Variants in PRKG1 observed in about 807,000 individuals in gnomAD.
PRKG1 encodes the protein protein kinase cGMP-dependent 1.
In PRKG1, 35 loss-of-function variants were observed where a neutral mutation model predicts 88.1. The ratio of observed to expected loss-of-function variants is 0.40; its 90% confidence interval spans 0.30 to 0.53. The LOEUF (loss-of-function observed/expected upper bound fraction) is 0.53. Among genes scored for constraint, PRKG1 ranks in the 20% least tolerant of loss-of-function variants. The pLI, the probability that PRKG1 is intolerant of heterozygous loss-of-function variation, is 0.59. For missense variants in PRKG1, 540 were observed against 839.8 expected (o/e 0.64, Z 4.41); for synonymous variants, 303 against 292.5 (o/e 1.04, Z -0.37).
intron 3 of PRKG1, among the ~76,000 whole-genome samples, chr10:51,547,359 T>C (rs929731268): frequency 9.0e-6 from 1 of 110,552 alleles, no homozygotes; most frequent in Admixed American, 1.0e-4. Flanking sequence ...CTTTGACTTG[T>C]GGGTTGAATC....
intron 3 of PRKG1, among the ~76,000 whole-genome samples, chr10:51,639,303 G>A (rs556114681): frequency 6.6e-6 from 1 of 151,578 alleles, no homozygotes; most frequent in African/African-American, 2.4e-5. Flanking sequence ...CTGAGGTGGC[G>A]GGCGCCTGTA....
intron 1 of PRKG1, among the ~76,000 whole-genome samples, chr10:51,089,179 G>T (rs1277628628): frequency 6.6e-6 from 1 of 152,102 alleles, no homozygotes; most frequent in Non-Finnish European, 1.5e-5. Context: ...AGGAAGCACA[G>T]TTGTTCTCCA....
intron 3 of PRKG1, among the ~76,000 whole-genome samples, chr10:51,776,413 A>G (rs1308443641): frequency 1.3e-5 from 2 of 152,192 alleles, no homozygotes; most frequent in Non-Finnish European, 2.9e-5. Flanking sequence ...GGTTAGTGAG[A>G]TAGTAATGGG....
intron 9 of PRKG1, among the ~76,000 whole-genome samples, chr10:52,173,487 T>C (rs1477736717): frequency 6.6e-6 from 1 of 152,174 alleles, no homozygotes; most frequent in Non-Finnish European, 1.5e-5. Context: ...AAATAATGGA[T>C]TTAAATGGTA....
intron 1 of PRKG1, among the ~76,000 whole-genome samples, chr10:51,039,960 G>A (rs1843398847): frequency 6.6e-6 from 1 of 152,066 alleles, no homozygotes; most frequent in African/African-American, 2.4e-5. Flanking sequence ...CAGTTATCAT[G>A]CTATTTTGGT....
At chr10:51,345,781 T>C (rs1264683716) in intron 2 of PRKG1, among the ~76,000 whole-genome samples, 2 of 152,192 alleles carry the variant, frequency 1.3e-5, no homozygotes, top group Non-Finnish European at 2.9e-5. Context: ...TCTTAAGATG[T>C]TAACAAGCCA....
Position 51,179,413 on chromosome 10 carries a change from T to C in PRKG1, c.478+26083T>C, listed in dbSNP as rs1057433454. Among the ~76,000 whole-genome samples, 10 of 152,370 alleles carry C rather than the reference T, an allele frequency of 6.6e-5. No homozygotes were observed. The East Asian group carries it at 1.3e-3, about 21-fold the overall frequency. On this transcript the variant is annotated intron_variant, in intron 2 of 17. Coordinates refer to ENST00000373980, the MANE Select transcript of PRKG1 (RefSeq NM_006258.4). ...AGAAGGTTATAGGATAATATGTTGA[T>C]AGGTCATAGCTAATTATCGGCTTTA...
At chr10:52,289,072 A>G (rs1842182502) in intron 16 of PRKG1, 79 bp downstream of exon 16, 12 of 1,367,148 alleles carry the variant, frequency 8.8e-6, no homozygotes, top group Non-Finnish European at 1.1e-5. Flanking sequence ...TTGGTGTAAA[A>G]CTAGTATAAT....
At chr10:52,288,019 G>C (rs1004461649) in intron 14 of PRKG1, among the ~76,000 whole-genome samples, 2 of 152,110 alleles carry the variant, frequency 1.3e-5, no homozygotes, top group African/African-American at 4.8e-5. Context: ...GCATAAGGGT[G>C]CTATAAAAGT....
intron 5 of PRKG1, among the ~76,000 whole-genome samples, chr10:51,913,126 G>T (rs1004148117): frequency 1.3e-5 from 2 of 152,050 alleles, no homozygotes; most frequent in African/African-American, 4.8e-5. Context: ...ACAGGGTTTT[G>T]CCATATTGGC....
chr10:52,115,897 T>C (rs892464806), intron 7 of PRKG1, among the ~76,000 whole-genome samples: 1 of 152,114 alleles, frequency 6.6e-6, no homozygotes, highest in African/African-American at 2.4e-5. Context: ...AGAAAAACTT[T>C]AGATGAACTA....
intron 1 of PRKG1, among the ~76,000 whole-genome samples, chr10:51,088,947 G>T (rs1444760845): frequency 1.3e-5 from 2 of 151,392 alleles, no homozygotes; most frequent in Admixed American, 1.3e-4. Context: ...TTCCAAGCAT[G>T]TTTGGTATTG....
At position 51,195,296 on chromosome 10, in the gene PRKG1, G is replaced by A. The variant is rs188042583; in HGVS notation, c.478+41966G>A. Among the ~76,000 whole-genome samples, 13 of 152,240 alleles carry A rather than the reference G, an allele frequency of 8.5e-5. No individual in the cohort carries two copies. The East Asian group carries it at 1.2e-3, about 14-fold the overall frequency. On this transcript the variant is annotated intron_variant, in intron 2 of 17. Coordinates refer to ENST00000373980, the MANE Select transcript of PRKG1 (RefSeq NM_006258.4). ...AATGAAGTATCTTTGAATTGGACCC[G>A]TTCATCCCTGAGGCAGGTTAGTGTT...
intron 3 of PRKG1, among the ~76,000 whole-genome samples, chr10:51,709,484 A>G (rs1232813264): frequency 2.6e-5 from 4 of 152,182 alleles, no homozygotes; most frequent in African/African-American, 7.2e-5. Context: ...GTGTTTGTCA[A>G]TTCCATCCTG....
At chr10:51,337,407 A>ATT (rs1841901994) in intron 2 of PRKG1, among the ~76,000 whole-genome samples, 1 of 152,196 alleles carries the variant, frequency 6.6e-6, no homozygotes, top group African/African-American at 2.4e-5. Flanking sequence ...AAAAATTGAC[A>ATT]AATGGGATCT....
At chr10:51,996,344 A>G (rs1372932377) in intron 5 of PRKG1, among the ~76,000 whole-genome samples, 1 of 144,788 alleles carries the variant, frequency 6.9e-6, no homozygotes, top group African/African-American at 2.5e-5. Flanking sequence ...AAAAAAAAAG[A>G]TAACCTACAG....
intron 1 of PRKG1, chr10:51,062,996 T>C (rs1161132934): frequency 2.0e-5 from 3 of 152,234 alleles, no homozygotes; most frequent in African/African-American, 7.2e-5. Flanking sequence ...CTCATAGTGG[T>C]ATTTCAGATT....
chr10:51,394,515 G>T (rs893848750), intron 2 of PRKG1, among the ~76,000 whole-genome samples: 2 of 152,212 alleles, frequency 1.3e-5, no homozygotes, highest in African/African-American at 2.4e-5. Flanking sequence ...GAAAAACCTG[G>T]ATTTTAAGAG....
rs553445967 is a variant in PRKG1 at position 52,144,232 on chromosome 10, G to C, written c.1001+10327G>C. ...GTGTGGCAATAACAGAGGATTTATG[G>C]GACAAGGAACTGGATAATTAGGAGG... On this transcript the variant is annotated intron_variant, in intron 8 of 17. Transcript: ENST00000373980. Among the ~76,000 whole-genome samples the C allele has an allele frequency of 5.3e-5, 8 of 152,260 alleles. No individual in the cohort carries two copies. In the South Asian group the frequency reaches 1.4e-3, roughly 28 times the overall value.
Sources: allele counts gnomAD v4.1 joint callset (sites outside exome capture counted in the v4.1 genomes callset), GRCh38; gene constraint gnomAD v4.1.1; transcripts MANE v1.5; gene names NCBI Gene and HGNC (gene_info 2026-07-23, HGNC 2026-07-21).